PTPRD: variants seen among roughly 807,000 people sequenced by gnomAD.
PTPRD encodes the protein protein tyrosine phosphatase receptor type D.
PTPRD carries 34 observed loss-of-function variants against 214.5 expected under a neutral mutation model. The observed-to-expected ratio is 0.16, with a 90% confidence interval of 0.12 to 0.21. The LOEUF is 0.21. Among genes scored for constraint, PTPRD ranks in the 10% least tolerant of loss-of-function variants. The pLI, the probability that PTPRD is intolerant of heterozygous loss-of-function variation, is 1.00. For missense variants in PTPRD, 2,545 were observed against 2,398.7 expected, an observed-to-expected ratio of 1.06 and a Z score of -1.27; for synonymous variants, 1,128 against 845.7, an observed-to-expected ratio of 1.33 and a Z score of -5.79.
At chr9:9,011,466 A>T (rs1270904343) in intron 11 of PTPRD, among the ~76,000 whole-genome samples, 1 of 152,190 alleles carries the variant, frequency 6.6e-6, no homozygotes, top group Non-Finnish European at 1.5e-5. Context: ...TATAGGCCAA[A>T]CAATAGTAGA....
intron 14 of PTPRD, among the ~76,000 whole-genome samples, chr9:8,550,065 T>C (rs897920564): frequency 9.9e-5 from 15 of 152,120 alleles, no homozygotes; most frequent in African/African-American, 3.6e-4. Context: ...TCAGTCAGAA[T>C]TGAAAAGAAC....
At chr9:10,169,297 ACC>A in intron 3 of PTPRD, among the ~76,000 whole-genome samples, 1 of 151,510 alleles carries the variant, frequency 6.6e-6, no homozygotes, top group South Asian at 2.1e-4. Flanking sequence ...ACACAGTGAA[ACC>A]CCGTCTCTAC....
At chr9:8,523,407 A>G in intron 19 of PTPRD, 106 bp downstream of exon 19, 1 of 1,363,366 alleles carries the variant, frequency 7.3e-7, no homozygotes, top group Non-Finnish European at 1.0e-6. Flanking sequence ...CATACCATTA[A>G]CCAAAAGAAG....
In PTPRD at chr9:10,332,958, G is replaced by A. The variant is rs567738520; in HGVS notation, c.-545+8005C>T. ...ATATTTATTATGTATATAACGTAAT[G>A]TTTGTTGCTACCGCCTTCAAGTAAA... On this transcript the variant is annotated intron_variant, in intron 3 of 45. Transcript: ENST00000381196. Among the ~76,000 whole-genome samples, 4 of 151,928 alleles carry A rather than the reference G, an allele frequency of 2.6e-5. 1 individual carries two copies. The South Asian group carries it at 6.2e-4, about 24-fold the overall frequency.
At chr9:9,080,150 T>A (rs1034861944) in intron 10 of PTPRD, among the ~76,000 whole-genome samples, 2 of 152,054 alleles carry the variant, frequency 1.3e-5, no homozygotes, top group African/African-American at 4.8e-5. Flanking sequence ...TATTACTCAT[T>A]TCTCAATTTA....
chr9:8,494,235 T>C (rs1591957037), intron 26 of PTPRD, among the ~76,000 whole-genome samples: 4 of 152,184 alleles, frequency 2.6e-5, no homozygotes, highest in African/African-American at 9.7e-5. Flanking sequence ...AGCTCAATTG[T>C]TGAAGCTGAT....
chr9:8,745,026 C>T (rs1182241876), intron 11 of PTPRD, among the ~76,000 whole-genome samples: 4 of 152,194 alleles, frequency 2.6e-5, no homozygotes, highest in Non-Finnish European at 5.9e-5. Flanking sequence ...TCACTTCTCT[C>T]ACTCTGTACA....
intron 2 of PTPRD, among the ~76,000 whole-genome samples, chr9:10,440,157 AT>A (rs1183275034): frequency 6.6e-6 from 1 of 151,628 alleles, no homozygotes; most frequent in African/African-American, 2.4e-5. Context: ...TGGCAATATA[AT>A]AAATGTACTT....
At chr9:8,899,934 A>G (rs2098653404) in intron 11 of PTPRD, among the ~76,000 whole-genome samples, 1 of 152,200 alleles carries the variant, frequency 6.6e-6, no homozygotes, top group Non-Finnish European at 1.5e-5. Flanking sequence ...TGGAAACATG[A>G]ATCTTTGTGG....
At chr9:10,448,336 T>C (rs1189141115) in intron 2 of PTPRD, among the ~76,000 whole-genome samples, 4 of 152,014 alleles carry the variant, frequency 2.6e-5, no homozygotes, top group Non-Finnish European at 5.9e-5. Context: ...TCTGTATATA[T>C]AGATAGCTGC....
At chr9:10,526,436 A>T (rs1172761237) in intron 2 of PTPRD, among the ~76,000 whole-genome samples, 1 of 152,106 alleles carries the variant, frequency 6.6e-6, no homozygotes, top group Non-Finnish European at 1.5e-5. Flanking sequence ...TGCCAATTTC[A>T]TCTTATAAGG....
At chr9:9,349,772 T>C (rs2050397438) in intron 9 of PTPRD, among the ~76,000 whole-genome samples, 2 of 151,834 alleles carry the variant, frequency 1.3e-5, no homozygotes, top group East Asian at 1.9e-4. Context: ...TTTTTTGTGC[T>C]ATAAATAATT....
chr9:9,046,354 G>C (rs908226760), intron 10 of PTPRD, among the ~76,000 whole-genome samples: 3 of 152,168 alleles, frequency 2.0e-5, no homozygotes, highest in African/African-American at 7.2e-5. Flanking sequence ...GGAAGATGTG[G>C]TGATTATATT....
intron 35 of PTPRD, among the ~76,000 whole-genome samples, chr9:8,434,590 G>C (rs1307256366): frequency 6.6e-6 from 1 of 152,070 alleles, no homozygotes; most frequent in Non-Finnish European, 1.5e-5. Context: ...AACAGGTCGA[G>C]CTATCATATT....
At chr9:10,402,241 C>T (rs1293305140) in intron 2 of PTPRD, among the ~76,000 whole-genome samples, 1 of 151,634 alleles carries the variant, frequency 6.6e-6, no homozygotes, top group Non-Finnish European at 1.5e-5. Context: ...TAAATAGCTA[C>T]ATGGGGATTT....
chr9:10,010,250 T>C (rs1286201379), intron 4 of PTPRD, among the ~76,000 whole-genome samples: 1 of 151,912 alleles, frequency 6.6e-6, no homozygotes, highest in Non-Finnish European at 1.5e-5. Context: ...GCAAAGAGAC[T>C]GAGTATAGAT....
chr9:9,335,705 C>A (rs1346123783), intron 9 of PTPRD, among the ~76,000 whole-genome samples: 1 of 152,026 alleles, frequency 6.6e-6, no homozygotes, highest in East Asian at 1.9e-4. Flanking sequence ...TTCTCATTCA[C>A]TTTTGGCCCA....
chr9:8,955,474 A>C (rs556854241), intron 11 of PTPRD, among the ~76,000 whole-genome samples: 21 of 151,932 alleles, frequency 1.4e-4, no homozygotes, highest in African/African-American at 5.1e-4. Context: ...TTTGGAAGAC[A>C]ATCACCAGCA....
intron 14 of PTPRD, among the ~76,000 whole-genome samples, chr9:8,586,738 C>T (rs76742473): frequency 0.033 from 5,057 of 152,260 alleles, 273 homozygotes; most frequent in African/African-American, 0.11. Context: ...TTGCCAACGG[C>T]ATTGCTAGAC....
Sources: gnomAD v4.1 joint callset for allele counts (sites outside exome capture counted in the v4.1 genomes callset) on GRCh38, gnomAD v4.1.1 for gene constraint, MANE v1.5 for transcripts, NCBI Gene and HGNC (gene_info 2026-07-23, HGNC 2026-07-21) for gene names.